Variants in FSTL4 observed in about 807,000 individuals in gnomAD.
The protein encoded by FSTL4 is follistatin like 4, also known as follistatin-related protein 4.
Under a neutral mutation model 78.2 loss-of-function variants are expected in FSTL4, and 28 were observed. The observed-to-expected ratio is 0.36, with a 90% CI of 0.27 to 0.49. The LOEUF (loss-of-function observed/expected upper bound fraction) is 0.49, where lower values mean the gene tolerates loss of function less well. Among genes scored for constraint, FSTL4 ranks in the 20% least tolerant of loss-of-function variants. The pLI is 0.98. For missense variants in FSTL4, 922 were observed against 1,084.9 expected, an observed-to-expected ratio of 0.85 and a Z score of 2.11; for synonymous variants, 422 against 440.5, an observed-to-expected ratio of 0.96 and a Z score of 0.53.
chr5:133,675,498 TG>T, the FSTL4 span, among the ~76,000 whole-genome samples: 49 of 152,224 alleles, frequency 3.2e-4, 1 homozygote, highest in African/African-American at 1.2e-3. Context: ...CTCACCACTC[TG>T]CCCCAACACC....
chr5:133,241,573 T>C (rs900922093), intron 7 of FSTL4, among the ~76,000 whole-genome samples: 2 of 152,158 alleles, frequency 1.3e-5, no homozygotes, highest in Non-Finnish European at 2.9e-5. Flanking sequence ...CAGAGTGTTA[T>C]GTAGTAGGGG....
chr5:133,235,099 C>A (rs746899200), intron 7 of FSTL4, among the ~76,000 whole-genome samples: 2 of 152,146 alleles, frequency 1.3e-5, no homozygotes, highest in African/African-American at 2.4e-5. Context: ...CGCTGATACT[C>A]ATGTGAGCTC....
chr5:133,619,754 T>C, the FSTL4 span, among the ~76,000 whole-genome samples: 2 of 152,244 alleles, frequency 1.3e-5, no homozygotes, highest in Non-Finnish European at 2.9e-5. Context: ...GACAAATGCA[T>C]GCACATACAT....
rs1755071441 is a variant in FSTL4 at position 133,361,578 on chromosome 5, C to T, written c.409+39160G>A. On this transcript the variant is annotated intron_variant, in intron 4 of 15. Coordinates refer to ENST00000265342, the MANE Select transcript of FSTL4 (RefSeq NM_015082.2). The surrounding 1 kb of genome is among the most constrained non-coding windows in gnomAD (Gnocchi z 4.3). Reference sequence around the variant, plus strand: ...GTCTTCTGCTCTTGCTTCCAAATGTCCCTTTTTACCCCAAAAATTTCCCTA... The same window carrying T: ...GTCTTCTGCTCTTGCTTCCAAATGTTCCTTTTTACCCCAAAAATTTCCCTA... Among the ~76,000 whole-genome samples, 1 of 152,100 alleles carries T rather than the reference C, an allele frequency of 6.6e-6. No individual in the cohort carries two copies.
chr5:133,683,757 G>A, the FSTL4 span, among the ~76,000 whole-genome samples: 4 of 152,134 alleles, frequency 2.6e-5, no homozygotes, highest in African/African-American at 7.2e-5. Flanking sequence ...TGCTGTGTTC[G>A]GTAGGATTAA....
chr5:133,534,727 T>A (rs1759318623), intron 3 of FSTL4, among the ~76,000 whole-genome samples: 1 of 152,134 alleles, frequency 6.6e-6, no homozygotes, highest in Non-Finnish European at 1.5e-5. Context: ...ATAACATCCC[T>A]TCTTTTCTCC....
intron 3 of FSTL4, among the ~76,000 whole-genome samples, chr5:133,423,533 C>T (rs111993338): frequency 0.04 from 6,075 of 152,214 alleles, 225 homozygotes; most frequent in African/African-American, 0.095. Context: ...GCTACAGGAG[C>T]GACAGAGTGC....
chr5:133,735,921 C>G, the FSTL4 span, among the ~76,000 whole-genome samples: 5 of 152,192 alleles, frequency 3.3e-5, no homozygotes, highest in African/African-American at 9.7e-5. Flanking sequence ...CTCCACTACC[C>G]ATTTTCTGAC....
At chr5:133,779,260 G>A in the FSTL4 span, among the ~76,000 whole-genome samples, 6 of 152,110 alleles carry the variant, frequency 3.9e-5, no homozygotes, top group South Asian at 1.3e-3. Context: ...GTCCATTCTC[G>A]ACATGGTGAC....
chr5:133,545,464 C>G (rs1292400890), intron 3 of FSTL4, among the ~76,000 whole-genome samples: 2 of 152,192 alleles, frequency 1.3e-5, no homozygotes, highest in Admixed American at 1.3e-4. Flanking sequence ...TATATTATGT[C>G]ATGATGCAGC....
At chr5:133,497,156 T>C (rs140867418) in intron 3 of FSTL4, among the ~76,000 whole-genome samples, 14 of 152,270 alleles carry the variant, frequency 9.2e-5, no homozygotes, top group Admixed American at 2.6e-4. Flanking sequence ...AAGCAATGGG[T>C]CTACCACAGC....
the FSTL4 span, among the ~76,000 whole-genome samples, chr5:133,829,319 G>A: frequency 6.6e-6 from 1 of 152,192 alleles, no homozygotes; most frequent in East Asian, 1.9e-4. Context: ...CCGGGAGGCA[G>A]AGGTTGCAGT....
At chr5:133,804,501 A>G in the FSTL4 span, among the ~76,000 whole-genome samples, 2 of 152,218 alleles carry the variant, frequency 1.3e-5, no homozygotes, top group Non-Finnish European at 1.5e-5. Context: ...GAGTAAAACT[A>G]TATCTCTGAC....
intron 3 of FSTL4, among the ~76,000 whole-genome samples, chr5:133,477,787 G>GT (rs57998483): frequency 2.2e-4 from 34 of 151,456 alleles, no homozygotes; most frequent in Admixed American, 7.2e-4. Flanking sequence ...TGCAAAAAAT[G>GT]TTTTTTTTTC....
chr5:133,529,867 G>T (rs1228774381), intron 3 of FSTL4, among the ~76,000 whole-genome samples: 4 of 144,064 alleles, frequency 2.8e-5, no homozygotes, highest in Non-Finnish European at 4.6e-5. Flanking sequence ...AATGTTTCGG[G>T]TTTTTTTTTT....
chr5:133,676,296 C>T, the FSTL4 span, among the ~76,000 whole-genome samples: 139 of 152,342 alleles, frequency 9.1e-4, 2 homozygotes, highest in African/African-American at 3.2e-3. Context: ...TGGACTAACA[C>T]TGCCTCTGGG....
intron 14 of FSTL4, chr5:133,208,303 G>A (rs560677884): frequency 9.2e-5 from 14 of 152,310 alleles, no homozygotes; most frequent in African/African-American, 2.9e-4. Context: ...CCCTTGGAGC[G>A]TGTAGATGGG....
At chr5:133,641,858 TTAC>T in the FSTL4 span, among the ~76,000 whole-genome samples, 2 of 152,034 alleles carry the variant, frequency 1.3e-5, no homozygotes, top group African/African-American at 2.4e-5. Flanking sequence ...CTTCTTCTTC[TTAC>T]CTTTCTTTCT....
the FSTL4 span, among the ~76,000 whole-genome samples, chr5:133,823,901 T>A: frequency 5.3e-5 from 8 of 152,204 alleles, no homozygotes; most frequent in Admixed American, 2.0e-4. Context: ...TTGTCTTACA[T>A]ATTGAGTTTC....
Sources: gnomAD v4.1 joint callset for allele counts (sites outside exome capture counted in the v4.1 genomes callset) on GRCh38, gnomAD v4.1.1 for gene constraint, Gnocchi (gnomAD v3.1) non-coding constraint, MANE v1.5 for transcripts, NCBI Gene and HGNC (gene_info 2026-07-23, HGNC 2026-07-21) for gene names.